Variants in SOX5 observed in about 807,000 individuals in gnomAD.
SOX5 encodes the protein SRY-box transcription factor 5.
In SOX5, 9 loss-of-function variants were observed where a neutral mutation model predicts 92.0. The ratio of observed to expected loss-of-function variants is 0.10; its 90% CI spans 0.06 to 0.17. SOX5 has a LOEUF of 0.17. SOX5 is among the 10% of genes least tolerant of loss of function. The pLI is 1.00. For missense variants in SOX5, 642 were observed against 944.5 expected (o/e 0.68, Z 4.20); for synonymous variants, 344 against 336.3 (o/e 1.02, Z -0.25).
chr12:24,226,566 G>A (rs781777755), intron 3 of SOX5, among the ~76,000 whole-genome samples: 54 of 152,172 alleles, frequency 3.5e-4, no homozygotes, highest in Middle Eastern at 3.4e-3. Context: ...TTTCTCCTGG[G>A]TTCAAGCAAT....
chr12:24,357,822 CA>C (rs1263503616), intron 2 of SOX5, among the ~76,000 whole-genome samples: 1 of 133,338 alleles, frequency 7.5e-6, no homozygotes, highest in Non-Finnish European at 1.5e-5. Context: ...GCCTGGGTGA[CA>C]GAGCGAGACT....
At chr12:23,870,587 T>C (rs1257154247) in intron 2 of SOX5, among the ~76,000 whole-genome samples, 1 of 152,140 alleles carries the variant, frequency 6.6e-6, no homozygotes, top group Admixed American at 6.5e-5. Flanking sequence ...GATCCACTTG[T>C]ATGATCCAAC....
chr12:24,314,165 CTG>C (rs750847977), intron 2 of SOX5, among the ~76,000 whole-genome samples: 82 of 152,244 alleles, frequency 5.4e-4, no homozygotes, highest in Non-Finnish European at 9.0e-4. Flanking sequence ...TGACCAAAAC[CTG>C]TGTCTTCTCC....
chr12:24,003,381 C>T (rs539661387), intron 4 of SOX5, among the ~76,000 whole-genome samples: 1 of 151,828 alleles, frequency 6.6e-6, no homozygotes, highest in East Asian at 1.9e-4. Flanking sequence ...TCTTTCTTCT[C>T]GGGGTGTTTG....
intron 1 of SOX5, among the ~76,000 whole-genome samples, chr12:24,538,081 T>C (rs549573665): frequency 2.0e-5 from 3 of 152,322 alleles, no homozygotes; most frequent in Non-Finnish European, 4.4e-5. Flanking sequence ...TCCAAAGCTA[T>C]GAAGCATACA....
At chr12:24,468,805 A>T (rs996906241) in intron 1 of SOX5, among the ~76,000 whole-genome samples, 4 of 152,094 alleles carry the variant, frequency 2.6e-5, no homozygotes, top group East Asian at 1.9e-4. Flanking sequence ...GATGTTTTTT[A>T]AAAAAAGAAA....
At chr12:24,039,446 C>T (rs989949812) in intron 4 of SOX5, among the ~76,000 whole-genome samples, 1 of 152,092 alleles carries the variant, frequency 6.6e-6, no homozygotes, top group Non-Finnish European at 1.5e-5. Context: ...AAGGGCTGTT[C>T]TTCAATTCAT....
chr12:24,458,149 T>C (rs1397574129), intron 1 of SOX5, among the ~76,000 whole-genome samples: 2 of 152,202 alleles, frequency 1.3e-5, no homozygotes, highest in Non-Finnish European at 2.9e-5. Context: ...GGATGGCGCC[T>C]CAGTGTCTGT....
intron 4 of SOX5, among the ~76,000 whole-genome samples, chr12:23,746,917 A>C (rs1330920852): frequency 1.3e-5 from 2 of 152,020 alleles, no homozygotes; most frequent in Non-Finnish European, 2.9e-5. Context: ...ACAAGATTTG[A>C]TGATTTTATA....
rs538470268 is a variant in SOX5, at chr12:23,551,699, T to C, written c.1489-5275A>G. Among the ~76,000 whole-genome samples the C allele has an allele frequency of 3.4e-3, 523 of 152,008 alleles. 2 individuals carry two copies. Among genetic ancestry groups the C allele is most frequent in the South Asian group, 9.9e-3 (48 of 4,826 alleles). On this transcript the variant is annotated intron_variant, in intron 11 of 14. Coordinates refer to ENST00000451604, the MANE Select transcript of SOX5 (RefSeq NM_006940.6). ...TATTCATTTTCTCCATTGAGAATTA[T>C]AGTGAGATATGAACTCAGGGGATGG...
At chr12:23,562,651 T>G (rs930907132) in intron 11 of SOX5, among the ~76,000 whole-genome samples, 1 of 152,302 alleles carries the variant, frequency 6.6e-6, no homozygotes, top group East Asian at 1.9e-4. Flanking sequence ...CATGTAGGCT[T>G]AGACAAAAGG....
At chr12:23,627,025 G>C (rs2077915589) in intron 8 of SOX5, among the ~76,000 whole-genome samples, 2 of 152,240 alleles carry the variant, frequency 1.3e-5, no homozygotes, top group African/African-American at 4.8e-5. Flanking sequence ...GATCATCATA[G>C]GTAGGCCAGC....
chr12:23,638,117 C>G (rs1355554137), intron 8 of SOX5: 3 of 152,086 alleles, frequency 2.0e-5, no homozygotes, highest in African/African-American at 7.2e-5. Context: ...CCTGGCCACC[C>G]CTCTCTTAAC....
intron 1 of SOX5, among the ~76,000 whole-genome samples, chr12:24,506,967 T>C (rs1369010816): frequency 2.6e-5 from 4 of 151,708 alleles, no homozygotes. Context: ...ATTTTTTGTA[T>C]TTTTAGTAGA....
At chr12:24,448,281 C>G (rs1941779947) in intron 1 of SOX5, among the ~76,000 whole-genome samples, 1 of 152,168 alleles carries the variant, frequency 6.6e-6, no homozygotes, top group Non-Finnish European at 1.5e-5. Flanking sequence ...AACCATCTCA[C>G]AGTAAATGAG....
At chr12:23,727,951 C>T (rs2093225585) in intron 6 of SOX5, among the ~76,000 whole-genome samples, 2 of 152,056 alleles carry the variant, frequency 1.3e-5, no homozygotes, top group Admixed American at 6.6e-5. Context: ...TCTACAGAGA[C>T]AGGTTTGCCT....
At chr12:23,857,200 G>T (rs567782234) in intron 2 of SOX5, among the ~76,000 whole-genome samples, 1 of 152,286 alleles carries the variant, frequency 6.6e-6, no homozygotes, top group African/African-American at 2.4e-5. Context: ...GTCATTTCAT[G>T]AAGGGTCATG....
chr12:23,893,679 T>A (rs2097150864), intron 2 of SOX5, among the ~76,000 whole-genome samples: 1 of 152,196 alleles, frequency 6.6e-6, no homozygotes, highest in African/African-American at 2.4e-5. Context: ...CATTCCTAAT[T>A]AGATACTTTC....
chr12:24,125,615 CTA>C (rs796381321), intron 4 of SOX5, among the ~76,000 whole-genome samples: 34 of 152,224 alleles, frequency 2.2e-4, no homozygotes, highest in African/African-American at 7.7e-4. Flanking sequence ...GAAATCGTCT[CTA>C]TGATGGTTTA....
Sources: allele counts gnomAD v4.1 joint callset (sites outside exome capture counted in the v4.1 genomes callset), GRCh38; gene constraint gnomAD v4.1.1; transcripts MANE v1.5; gene names NCBI Gene and HGNC (gene_info 2026-07-23, HGNC 2026-07-21).